GRID1: variants seen among roughly 807,000 people sequenced by gnomAD.
GRID1 encodes glutamate ionotropic receptor delta type subunit 1.
A neutral mutation model predicts 98.0 loss-of-function variants in GRID1; 28 were observed. The ratio of observed to expected loss-of-function variants is 0.29; its 90% CI spans 0.21 to 0.39. The LOEUF is 0.39. Ranked by LOEUF, GRID1 falls within the 10% of genes least tolerant of loss-of-function variation. The pLI is 1.00. For synonymous variants in GRID1, 553 were observed against 538.5 expected (o/e 1.03, Z -0.37); for missense variants, 1,111 against 1,340.5 (o/e 0.83, Z 2.67).
At chr10:86,330,085 T>A (rs1266840601) in intron 2 of GRID1, among the ~76,000 whole-genome samples, 2 of 152,056 alleles carry the variant, frequency 1.3e-5, no homozygotes, top group African/African-American at 4.8e-5. Flanking sequence ...GCGTCAGGCA[T>A]CAGGGCCTGT....
Position 86,364,111 on chromosome 10 carries a change from G to A in GRID1, c.80-15C>T, listed in dbSNP as rs761037451. On this transcript the variant is annotated splice_polypyrimidine_tract_variant and intron_variant, in intron 1 of 15. Transcript: ENST00000327946. ...GAAGATGGCACCTGGAGGAGAGAAGGGATCAAGACCGGACCTGGACAAGAA... is the reference window on the plus strand; with the variant it reads ...GAAGATGGCACCTGGAGGAGAGAAGAGATCAAGACCGGACCTGGACAAGAA... 5 of 1,611,572 alleles carry A rather than the reference G, an allele frequency of 3.1e-6. No individual in the cohort carries two copies. The highest frequency in any genetic ancestry group is 4.2e-6 in the Non-Finnish European group (5 of 1,178,436).
chr10:85,820,236 T>C (rs894486602), intron 8 of GRID1, among the ~76,000 whole-genome samples: 1 of 151,720 alleles, frequency 6.6e-6, no homozygotes, highest in Non-Finnish European at 1.5e-5. Context: ...ACCTGATAAA[T>C]ACTCTTCAAA....
chr10:85,995,338 G>A (rs946486920), intron 4 of GRID1, among the ~76,000 whole-genome samples: 4 of 152,176 alleles, frequency 2.6e-5, no homozygotes, highest in Admixed American at 6.5e-5. Context: ...GCAGGCAGCC[G>A]GATGCCTCTG....
At chr10:86,089,028 T>A in intron 4 of GRID1, among the ~76,000 whole-genome samples, 1 of 152,114 alleles carries the variant, frequency 6.6e-6, no homozygotes, top group Non-Finnish European at 1.5e-5. Flanking sequence ...AGAAAGGAAG[T>A]GCGGTTTCAC....
chr10:86,351,715 C>A (rs1427929691), intron 2 of GRID1, among the ~76,000 whole-genome samples: 4 of 152,196 alleles, frequency 2.6e-5, no homozygotes, highest in African/African-American at 9.7e-5. Context: ...AAGCCAGTGT[C>A]CTCTTGGGCT....
intron 2 of GRID1, among the ~76,000 whole-genome samples, chr10:86,293,932 A>G (rs1423714169): frequency 1.3e-5 from 2 of 152,234 alleles, no homozygotes; most frequent in Non-Finnish European, 2.9e-5. Context: ...AAATAACAAT[A>G]AGATAATAAA....
At chr10:86,118,219 A>G (rs1190763342) in intron 4 of GRID1, among the ~76,000 whole-genome samples, 2 of 152,228 alleles carry the variant, frequency 1.3e-5, no homozygotes, top group East Asian at 3.8e-4. Flanking sequence ...ATCCTAAGTA[A>G]AGTAACTTAG....
intron 8 of GRID1, among the ~76,000 whole-genome samples, chr10:85,757,391 A>G (rs1842109375): frequency 6.6e-6 from 1 of 152,238 alleles, no homozygotes; most frequent in Non-Finnish European, 1.5e-5. Context: ...CAATCTGCAC[A>G]TGGGTGGAGT....
intron 2 of GRID1, among the ~76,000 whole-genome samples, chr10:86,326,066 C>G (rs1165984179): frequency 6.6e-6 from 1 of 152,172 alleles, no homozygotes. Context: ...ATGCAAAAAT[C>G]AATAGCTTTC....
chr10:86,131,582 A>G (rs557475741), intron 4 of GRID1, among the ~76,000 whole-genome samples: 16 of 152,312 alleles, frequency 1.1e-4, no homozygotes, highest in African/African-American at 3.1e-4. Context: ...TAAGGCTTTC[A>G]GCACCCCAGA....
At chr10:85,804,285 G>T (rs1343735890) in intron 8 of GRID1, among the ~76,000 whole-genome samples, 8 of 149,924 alleles carry the variant, frequency 5.3e-5, no homozygotes, top group Admixed American at 5.3e-4. Context: ...AAAATAAAGT[G>T]AAAAAAAAAG....
intron 6 of GRID1, among the ~76,000 whole-genome samples, chr10:85,858,335 C>A (rs1843133403): frequency 6.6e-6 from 1 of 152,172 alleles, no homozygotes; most frequent in Non-Finnish European, 1.5e-5. Context: ...CAGGGGCCTG[C>A]AGCACACAAG....
At chr10:86,273,898 C>CAGA (rs1189570319) in intron 2 of GRID1, among the ~76,000 whole-genome samples, 2 of 151,822 alleles carry the variant, frequency 1.3e-5, no homozygotes, top group Admixed American at 6.6e-5. Context: ...TTTTGCTGTG[C>CAGA]AGAAGCTCTT....
chr10:85,987,286 C>G (rs1008307900), intron 4 of GRID1, among the ~76,000 whole-genome samples: 14 of 150,738 alleles, frequency 9.3e-5, no homozygotes, highest in African/African-American at 3.4e-4. Flanking sequence ...TCACAAGAGG[C>G]CTTACCTCCC....
At chr10:85,855,877 C>T in intron 7 of GRID1, 152 bp downstream of exon 7, 1 of 669,098 alleles carries the variant, frequency 1.5e-6, no homozygotes, top group East Asian at 2.5e-5. Context: ...GATGCTGGGA[C>T]AGGAAGAGTG....
At chr10:85,994,357 G>C (rs12243346) in intron 4 of GRID1, among the ~76,000 whole-genome samples, 1 of 152,160 alleles carries the variant, frequency 6.6e-6, no homozygotes, top group African/African-American at 2.4e-5. Flanking sequence ...AGAGGACAAA[G>C]CTCACCTGGC....
intron 8 of GRID1, among the ~76,000 whole-genome samples, chr10:85,770,868 C>T (rs545696810): frequency 6.6e-5 from 10 of 152,250 alleles, no homozygotes; most frequent in East Asian, 3.9e-4. Context: ...CTGAAAGTGA[C>T]GGGGAGAATG....
intron 11 of GRID1, among the ~76,000 whole-genome samples, chr10:85,723,411 G>A (rs954842196): frequency 5.3e-5 from 8 of 152,176 alleles, no homozygotes. Context: ...AACACCAAGG[G>A]TTGGGGTCTG....
intron 4 of GRID1, among the ~76,000 whole-genome samples, chr10:86,116,995 C>A (rs1235884026): frequency 6.6e-6 from 1 of 151,914 alleles, no homozygotes; most frequent in African/African-American, 2.4e-5. Context: ...ATCACCATCA[C>A]CACCATCATT....
Sources: allele counts gnomAD v4.1 joint callset (sites outside exome capture counted in the v4.1 genomes callset), GRCh38; gene constraint gnomAD v4.1.1; transcripts MANE v1.5; gene names NCBI Gene and HGNC (gene_info 2026-07-23, HGNC 2026-07-21).